The following TBC1D22A variants were observed in gnomAD, a reference collection of about 807,000 sequenced individuals.
TBC1D22A encodes TBC1 domain family member 22A.
A neutral mutation model predicts 60.2 loss-of-function variants in TBC1D22A; 38 were observed. The ratio of observed to expected loss-of-function variants is 0.63; its 90% CI spans 0.49 to 0.83. TBC1D22A has a LOEUF of 0.83. TBC1D22A is among the 40% of genes least tolerant of loss of function. The pLI is 0.00. For missense variants in TBC1D22A, 628 were observed against 701.0 expected (o/e 0.90, Z 1.18); for synonymous variants, 302 against 281.7 (o/e 1.07, Z -0.72).
chr22:46,967,614 T>C (rs1238559885), intron 8 of TBC1D22A, among the ~76,000 whole-genome samples: 1 of 152,210 alleles, frequency 6.6e-6, no homozygotes, highest in South Asian at 2.1e-4. Context: ...AGGTGACTGC[T>C]CTCCATACCT....
Position 46,839,499 on chromosome 22 carries a change from T to C in TBC1D22A, c.638-39154T>C, listed in dbSNP as rs115309661. Among the ~76,000 whole-genome samples, 1,385 of 152,262 alleles carry C rather than the reference T, an allele frequency of 9.1e-3. 21 individuals carry two copies. Among genetic ancestry groups the C allele is most frequent in the African/African-American group, 0.032 (1,319 of 41,538 alleles). On this transcript the variant is annotated intron_variant, in intron 4 of 12. Transcript: ENST00000337137. ...CATGTGTATGAATGGGAAAAATTAA[T>C]ATTGTTAAAATGTCCACACTATGTA...
At chr22:47,122,231 C>T (rs1190614924) in intron 12 of TBC1D22A, among the ~76,000 whole-genome samples, 1 of 152,196 alleles carries the variant, frequency 6.6e-6, no homozygotes, top group African/African-American at 2.4e-5. Flanking sequence ...CACCCCAGCT[C>T]CTAGGCTGCA....
chr22:46,823,611 G>A (rs902108674), intron 4 of TBC1D22A, among the ~76,000 whole-genome samples: 12 of 152,218 alleles, frequency 7.9e-5, no homozygotes, highest in African/African-American at 2.9e-4. Context: ...ACCACTTACG[G>A]GGAGGATTCA....
At position 47,028,352 on chromosome 22, in the gene TBC1D22A, G is replaced by A. The variant is rs1410583945; in HGVS notation, c.1202-8719G>A. ...TGTCCCTCGGTCCCTGTCCCCCACG[G>A]CCCAGGTTCTGAGAGTGAGTGGTCG... On this transcript the variant is annotated intron_variant, in intron 10 of 12. Coordinates refer to ENST00000337137, the MANE Select transcript of TBC1D22A (RefSeq NM_014346.5). The surrounding 1 kb of genome is among the most constrained non-coding windows in gnomAD (Gnocchi z 4.4). 6.6e-6 allele frequency among the ~76,000 whole-genome samples: 1 copy of A among 151,028 alleles called. No homozygotes were observed. The highest frequency in any genetic ancestry group is 2.0e-4 in the East Asian group (1 of 5,128).
intron 11 of TBC1D22A, among the ~76,000 whole-genome samples, chr22:47,052,777 G>A (rs1056609974): frequency 3.3e-5 from 5 of 152,208 alleles, no homozygotes; most frequent in African/African-American, 7.2e-5. Context: ...CAGTACCCCC[G>A]GGCATCTTCC....
At chr22:47,090,294 G>A (rs1272872479) in intron 11 of TBC1D22A, among the ~76,000 whole-genome samples, 4 of 152,052 alleles carry the variant, frequency 2.6e-5, no homozygotes, top group African/African-American at 9.7e-5. Flanking sequence ...GAATGACAAG[G>A]ATATAGGCAC....
At chr22:46,999,539 G>T (rs1486050059) in intron 10 of TBC1D22A, among the ~76,000 whole-genome samples, 2 of 152,180 alleles carry the variant, frequency 1.3e-5, no homozygotes, top group Non-Finnish European at 2.9e-5. Context: ...CTCTCAGACT[G>T]GTGGGCGCCA....
chr22:46,946,431 G>A (rs1334824196), intron 8 of TBC1D22A, among the ~76,000 whole-genome samples: 1 of 152,330 alleles, frequency 6.6e-6, no homozygotes, highest in East Asian at 1.9e-4. Context: ...GTGAGCCTCA[G>A]TGACTCTCCT....
chr22:47,030,228 C>T (rs1334299367), intron 10 of TBC1D22A, among the ~76,000 whole-genome samples: 2 of 152,204 alleles, frequency 1.3e-5, no homozygotes, highest in African/African-American at 2.4e-5. Context: ...TGTCTGTTCT[C>T]GGCTTTGTGC....
chr22:46,803,159 GACCCCCCTCTGC>G (rs1250446445), intron 4 of TBC1D22A, among the ~76,000 whole-genome samples: 1 of 152,032 alleles, frequency 6.6e-6, no homozygotes, highest in African/African-American at 2.4e-5. Context: ...GCCACCAAAA[GACCCCCCTCTGC>G]ACCCCCACCC....
intron 1 of TBC1D22A, among the ~76,000 whole-genome samples, chr22:46,791,429 G>A (rs1055210447): frequency 6.6e-6 from 1 of 152,144 alleles, no homozygotes; most frequent in Non-Finnish European, 1.5e-5. Context: ...TGCCCTTCAT[G>A]GTGGCATCTT....
At chr22:47,092,040 C>T (rs1177061245) in intron 11 of TBC1D22A, among the ~76,000 whole-genome samples, 1 of 152,142 alleles carries the variant, frequency 6.6e-6, no homozygotes, top group African/African-American at 2.4e-5. Flanking sequence ...GAGGCAGGGA[C>T]TTCAGTTTGT....
intron 12 of TBC1D22A, among the ~76,000 whole-genome samples, chr22:47,169,245 C>A (rs13055306): frequency 1.3e-5 from 2 of 152,156 alleles, no homozygotes; most frequent in African/African-American, 4.8e-5. Context: ...CCAACCCCCA[C>A]CCCCACCGGC....
chr22:47,096,763 A>G (rs1324728336), intron 11 of TBC1D22A, among the ~76,000 whole-genome samples: 2 of 152,216 alleles, frequency 1.3e-5, no homozygotes, highest in Non-Finnish European at 2.9e-5. Context: ...TGGAGGTTGC[A>G]GTGAGCCGAG....
At chr22:47,076,380 T>TATATATATATATATATATATATAA in intron 11 of TBC1D22A, among the ~76,000 whole-genome samples, 1 of 124,538 alleles carries the variant, frequency 8.0e-6, no homozygotes, top group Non-Finnish European at 1.7e-5. Flanking sequence ...TATATATATA[T>TATATATATATATATATATATATAA]ACACACACAC....
chr22:47,137,164 T>C (rs1380907657), intron 12 of TBC1D22A, among the ~76,000 whole-genome samples: 1 of 152,212 alleles, frequency 6.6e-6, no homozygotes, highest in East Asian at 1.9e-4. Context: ...GTTACCCTAA[T>C]TAGTTTGAGG....
chr22:46,933,687 G>C (rs755958801), intron 8 of TBC1D22A, among the ~76,000 whole-genome samples: 1 of 152,246 alleles, frequency 6.6e-6, no homozygotes, highest in Admixed American at 6.5e-5. Context: ...ACTCAGATGC[G>C]TGTGTTCTCT....
At chr22:47,165,533 C>T (rs1015005334) in intron 12 of TBC1D22A, among the ~76,000 whole-genome samples, 3 of 148,460 alleles carry the variant, frequency 2.0e-5, no homozygotes, top group Non-Finnish European at 4.4e-5. Context: ...GCAGGCATGT[C>T]GCCTGCCTGG....
chr22:46,941,351 A>C (rs1433311670), intron 8 of TBC1D22A, among the ~76,000 whole-genome samples: 1 of 149,010 alleles, frequency 6.7e-6, no homozygotes, highest in African/African-American at 2.5e-5. Context: ...ATATATATAG[A>C]ATATATATAC....
Sources: allele counts gnomAD v4.1 joint callset (sites outside exome capture counted in the v4.1 genomes callset), GRCh38; gene constraint gnomAD v4.1.1; non-coding constraint Gnocchi (gnomAD v3.1); transcripts MANE v1.5; gene names NCBI Gene and HGNC (gene_info 2026-07-23, HGNC 2026-07-21).